The following FLVCR1 variants were observed in gnomAD, a reference collection of about 807,000 sequenced individuals.
The protein encoded by FLVCR1 is FLVCR choline and heme transporter 1.
A neutral mutation model predicts 53.6 loss-of-function variants in FLVCR1; 34 were observed. The observed-to-expected ratio is 0.63, with a 90% CI of 0.48 to 0.84. The LOEUF (loss-of-function observed/expected upper bound fraction) is 0.84. Ranked by LOEUF, FLVCR1 falls within the 40% of genes least tolerant of loss-of-function variation. FLVCR1 has a pLI of 0.00. For synonymous variants in FLVCR1, 300 were observed against 286.3 expected (o/e 1.05, Z -0.48); for missense variants, 677 against 696.7 (o/e 0.97, Z 0.32).
At chr1:212,888,158 G>A (rs1281016087) in intron 6 of FLVCR1, among the ~76,000 whole-genome samples, 157 bp downstream of exon 6, 1 of 151,996 alleles carries the variant, frequency 6.6e-6, no homozygotes, top group Non-Finnish European at 1.5e-5. Context: ...TAATTCTTAA[G>A]AACTATTAAA....
At chr1:212,869,569 A>G (rs1011116305) in intron 2 of FLVCR1, among the ~76,000 whole-genome samples, 2 of 152,212 alleles carry the variant, frequency 1.3e-5, no homozygotes, top group Non-Finnish European at 2.9e-5. Context: ...TTTGAGACAC[A>G]GTTTCACTCT....
intron 3 of FLVCR1, among the ~76,000 whole-genome samples, chr1:212,874,329 A>G (rs1296595853): frequency 6.6e-6 from 1 of 152,052 alleles, no homozygotes; most frequent in African/African-American, 2.4e-5. Context: ...ATTTTAAAGC[A>G]AATCCCAGGT....
intron 2 of FLVCR1, among the ~76,000 whole-genome samples, chr1:212,867,120 A>G (rs1054517110): frequency 2.0e-5 from 3 of 152,228 alleles, no homozygotes; most frequent in African/African-American, 7.2e-5. Context: ...TTTTTCCGCA[A>G]CGTGACATGT....
At chr1:212,889,595 C>T (rs1016153327) in intron 8 of FLVCR1, among the ~76,000 whole-genome samples, 4 of 152,016 alleles carry the variant, frequency 2.6e-5, no homozygotes, top group East Asian at 3.9e-4. Flanking sequence ...GGCGAAACCC[C>T]GTCTCTACTA....
intron 8 of FLVCR1, among the ~76,000 whole-genome samples, chr1:212,892,617 A>G (rs1665220774): frequency 6.6e-6 from 1 of 152,234 alleles, no homozygotes; most frequent in African/African-American, 2.4e-5. Context: ...ATGAAGATGT[A>G]CGAGGAGATC....
intron 2 of FLVCR1, among the ~76,000 whole-genome samples, chr1:212,872,118 CT>C (rs996900479): frequency 8.5e-4 from 128 of 150,744 alleles, no homozygotes; most frequent in Non-Finnish European, 1.5e-3. Flanking sequence ...TTTTATTTTC[CT>C]TTTTTTTTGT....
intron 2 of FLVCR1, among the ~76,000 whole-genome samples, chr1:212,866,405 GC>G (rs2102541667): frequency 6.6e-6 from 1 of 151,996 alleles, no homozygotes; most frequent in African/African-American, 2.4e-5. Context: ...ACTGGTGTGA[GC>G]CACTGCACCC....
At chr1:212,885,238 G>C in intron 4 of FLVCR1, 55 bp from the exon 5 acceptor site, 1 of 1,167,126 alleles carries the variant, frequency 8.6e-7, no homozygotes, top group South Asian at 1.2e-5. Context: ...AATGTGAAGA[G>C]TCTGAATTAG....
rs987915815 is a variant in FLVCR1 at position 212,858,305 on chromosome 1, A to G, written c.-148A>G. 4 of 768,084 alleles carry G rather than the reference A, an allele frequency of 5.2e-6. No individual in the cohort carries two copies. Among genetic ancestry groups the G allele is most frequent in the Admixed American group, 6.5e-5 (2 of 30,688 alleles). 47.6% of individuals were successfully genotyped at this position (768,084 alleles called of 1,614,324 possible). On this transcript the variant is annotated 5_prime_UTR_variant, in exon 1 of 10. Coordinates refer to ENST00000366971, the MANE Select transcript of FLVCR1 (RefSeq NM_014053.4). ...TTCATCTGTTCACGCGGTAGCGCGG[A>G]TTGCGGTTCGCGGCGCGCGCCACCG...
In FLVCR1 at chr1:212,858,630, G is replaced by A. The variant is rs569621196; in HGVS notation, c.178G>A (p.Ala60Thr). ...GGCCCCCCGGGACAGCCTCGCTGCC[G>A]CCTCGGGAGTTCTGGGCGGGCCTCA... ...NGAPRDSLAA[A>T]SGVLGGPQTP... The change falls in exon 1 of 10, where the codon GCC (alanine) becomes ACC (threonine). Residue 60 changes from alanine to threonine, a missense_variant. Coordinates refer to ENST00000366971, the MANE Select transcript of FLVCR1 (RefSeq NM_014053.4). 90 of 1,534,224 alleles carry A rather than the reference G, an allele frequency of 5.9e-5. No individual in the cohort carries two copies. Among genetic ancestry groups the A allele is most frequent in the Admixed American group, 1.6e-4 (8 of 50,478 alleles).
intron 3 of FLVCR1, among the ~76,000 whole-genome samples, chr1:212,875,966 A>G (rs919320508): frequency 9.3e-5 from 14 of 151,296 alleles, no homozygotes; most frequent in African/African-American, 3.4e-4. Flanking sequence ...GGCTCACTGC[A>G]ACCTCCACCT....
At chr1:212,874,162 C>T (rs1209287448) in intron 3 of FLVCR1, among the ~76,000 whole-genome samples, 3 of 152,226 alleles carry the variant, frequency 2.0e-5, no homozygotes, top group Non-Finnish European at 4.4e-5. Context: ...CCCCTGCAAC[C>T]ATGCCTGGCT....
chr1:212,888,144 C>T (rs957046207), intron 6 of FLVCR1, 143 bp downstream of exon 6: 25 of 634,134 alleles, frequency 3.9e-5, no homozygotes, highest in Non-Finnish European at 6.6e-5. Context: ...TGCATATAAA[C>T]ATGTAATTCT....
intron 3 of FLVCR1, among the ~76,000 whole-genome samples, chr1:212,873,321 T>G (rs67596413): frequency 6.7e-6 from 1 of 149,958 alleles, no homozygotes. Flanking sequence ...AAAAAAAAAA[T>G]AAAAGAAAGA....
At chr1:212,883,618 A>G (rs536554152) in intron 4 of FLVCR1, among the ~76,000 whole-genome samples, 180 bp downstream of exon 4, 28 of 152,324 alleles carry the variant, frequency 1.8e-4, no homozygotes, top group East Asian at 3.9e-4. Flanking sequence ...TTATATATCT[A>G]ATTGGCTTTT....
rs1251133617 is a variant in FLVCR1, at chr1:212,858,693, C to T, written c.241C>T (p.Leu81=). The T allele has an allele frequency of 1.3e-6, 2 of 1,582,798 alleles. No individual in the cohort carries two copies. The highest frequency in any genetic ancestry group is 2.3e-5 in the East Asian group (1 of 43,388). ...LAPEEETQAR[L]LPAGAGAETP... ...CCCAGAAGAGGAGACCCAGGCCCGGCTGCTGCCTGCGGGCGCGGGAGCTGA... is the reference window on the plus strand; with the variant it reads ...CCCAGAAGAGGAGACCCAGGCCCGGTTGCTGCCTGCGGGCGCGGGAGCTGA... The change falls in exon 1 of 10, where the codon CTG becomes TTG. Residue 81 remains leucine (L), a synonymous_variant. Transcript: ENST00000366971.
intron 8 of FLVCR1, among the ~76,000 whole-genome samples, chr1:212,891,051 G>A (rs1029078147): frequency 3.3e-5 from 5 of 152,036 alleles, no homozygotes; most frequent in African/African-American, 1.2e-4. Flanking sequence ...TTTAACTATT[G>A]TTCTTTCATA....
In FLVCR1 at chr1:212,889,284, A is replaced by G. The variant is rs1432854492; in HGVS notation, c.1525+27A>G. The G allele has an allele frequency of 6.5e-6, 9 of 1,387,560 alleles. No individual in the cohort carries two copies. The Admixed American group carries it at 1.3e-4, about 21-fold the overall frequency. 86.0% of individuals were successfully genotyped at this position (1,387,560 alleles called of 1,614,324 possible). A position where few individuals can be genotyped will look rare whatever the true frequency, so the allele number is the denominator to read the frequency against. ...TAAATTAGGGCGTTTGCCTGGCAAA[A>G]GGACTTGTGTCATGTGTTAATTTTC... On this transcript the variant is annotated intron_variant, in intron 8 of 9. Transcript: ENST00000366971.
intron 2 of FLVCR1, among the ~76,000 whole-genome samples, chr1:212,871,476 C>T (rs1057008793): frequency 1.3e-5 from 2 of 152,166 alleles, no homozygotes; most frequent in Non-Finnish European, 2.9e-5. Flanking sequence ...GATCCCAGCT[C>T]ACTGCAGCCT....
Sources: gnomAD v4.1 joint callset for allele counts (sites outside exome capture counted in the v4.1 genomes callset) on GRCh38, gnomAD v4.1.1 for gene constraint, MANE v1.5 for transcripts, NCBI Gene and HGNC (gene_info 2026-07-23, HGNC 2026-07-21) for gene names.